The following SLC5A4 variants were observed in gnomAD, a reference collection of about 807,000 sequenced individuals.
SLC5A4 encodes solute carrier family 5 member 4.
Under a neutral mutation model 70.3 loss-of-function variants are expected in SLC5A4, and 55 were observed. The observed-to-expected ratio is 0.78, with a 90% confidence interval of 0.63 to 0.98. SLC5A4 has a LOEUF of 0.98. Among genes scored for constraint, SLC5A4 ranks in the 50% least tolerant of loss-of-function variants. The pLI is 0.00. For missense variants in SLC5A4, 735 were observed against 839.2 expected, an observed-to-expected ratio of 0.88 and a Z score of 1.53; for synonymous variants, 268 against 305.7, an observed-to-expected ratio of 0.88 and a Z score of 1.29.
At chr22:32,271,737 A>C in the SLC5A4 span, 1 of 586,868 alleles carries the variant, frequency 1.7e-6, no homozygotes, top group East Asian at 4.0e-5. Flanking sequence ...CTGTTCCACA[A>C]TGTCAACTGT....
At chr22:32,270,045 T>C in the SLC5A4 span, 1 of 483,974 alleles carries the variant, frequency 2.1e-6, no homozygotes, top group Middle Eastern at 3.9e-4. Flanking sequence ...GTGAGGCTGC[T>C]GACAAGGAAG....
chr22:32,305,154 T>G, the SLC5A4 span, among the ~76,000 whole-genome samples: 1 of 152,216 alleles, frequency 6.6e-6, no homozygotes, highest in Admixed American at 6.5e-5. Flanking sequence ...TTTGGGTTAT[T>G]ATGTACTTTT....
the SLC5A4 span, among the ~76,000 whole-genome samples, chr22:32,334,351 ACAC>A: frequency 2.0e-5 from 3 of 152,126 alleles, no homozygotes; most frequent in Non-Finnish European, 4.4e-5. Flanking sequence ...GTCAGCAGCA[ACAC>A]CACGTGTCTC....
the SLC5A4 span, among the ~76,000 whole-genome samples, chr22:32,344,513 C>T: frequency 3.3e-5 from 5 of 152,032 alleles, no homozygotes; most frequent in East Asian, 1.9e-4. Context: ...GTCTCTTATG[C>T]GATATTGACA....
chr22:32,344,447 G>T, the SLC5A4 span, among the ~76,000 whole-genome samples: 2 of 151,996 alleles, frequency 1.3e-5, no homozygotes, highest in African/African-American at 4.8e-5. Flanking sequence ...AAAGATGCAG[G>T]AAAGTATATG....
chr22:32,307,338 G>A, the SLC5A4 span, among the ~76,000 whole-genome samples: 2 of 152,186 alleles, frequency 1.3e-5, no homozygotes, highest in African/African-American at 2.4e-5. Context: ...ACTAGAAACT[G>A]GGGTGGTGGG....
At chr22:32,316,237 A>AC in the SLC5A4 span, among the ~76,000 whole-genome samples, 40 of 152,114 alleles carry the variant, frequency 2.6e-4, no homozygotes, top group Non-Finnish European at 5.0e-4. Context: ...TAAAATGGTA[A>AC]ATGTTATGTG....
chr22:32,330,204 C>CTGTG, the SLC5A4 span, among the ~76,000 whole-genome samples: 66,532 of 102,884 alleles, frequency 0.65, 22,573 homozygotes, highest in African/African-American at 0.7. Context: ...GTGTTGGGCC[C>CTGTG]TGTGTGTATT....
chr22:32,247,463 T>C lies in SLC5A4; in HGVS notation c.425A>G (p.Gln142Arg). 6.2e-7 allele frequency: 1 copy of C among 1,613,926 alleles called. No homozygotes were observed. The highest frequency in any genetic ancestry group is 8.5e-7 in the Non-Finnish European group (1 of 1,179,802). Residue 142 changes from glutamine (Q) to arginine (R), a missense_variant, in exon 5 of 15, where the codon CAG (glutamine) becomes CGG (arginine). Gln to Arg is a conservative substitution (Grantham distance 43, BLOSUM62 1). Coordinates refer to ENST00000266086, the MANE Select transcript of SLC5A4 (RefSeq NM_014227.3). The part of the protein sequence containing the change: ...LKKRFGGERL[Q>R]VYLSILSLFI... ...GAGGGAGAGGATGGAGAGGTAGACC[T>C]GGAGTCGCTCCCCACCAAACCGCTT... is the stretch of plus-strand genomic sequence containing the variant.
At chr22:32,324,267 G>A in the SLC5A4 span, among the ~76,000 whole-genome samples, 31 of 121,456 alleles carry the variant, frequency 2.6e-4, no homozygotes, top group Admixed American at 1.9e-3. Context: ...ACACATATAT[G>A]TATATATATA....
the SLC5A4 span, among the ~76,000 whole-genome samples, chr22:32,314,866 C>G: frequency 6.6e-6 from 1 of 152,134 alleles, no homozygotes; most frequent in Non-Finnish European, 1.5e-5. Context: ...CATCAGACCT[C>G]ATGAAATTTA....
rs77851318 is a variant in SLC5A4 at position 32,220,992 on chromosome 22, T to C, written c.1696A>G (p.Ser566Gly). Residue 566 changes from serine (S) to glycine (G), a missense_variant, in exon 14 of 15, where the codon AGT becomes GGT. Physicochemically the swap from Ser to Gly is moderately conservative, Grantham distance 56 (BLOSUM62 0). Transcript: ENST00000266086. The stretch of plus-strand genomic sequence containing the variant: ...TCTATATCGATTCGCTCCTCTGTAC[T>C]GTTCCGAAGAACCCAGCACAGGCGG... ...LYRLCWVLRNSTEERIDIDAE... is the reference protein window; with the variant it reads ...LYRLCWVLRNGTEERIDIDAE... The C allele has an allele frequency of 4.3e-6, 7 of 1,613,874 alleles. No homozygotes were observed. In the East Asian group the frequency reaches 1.6e-4, roughly 36 times the overall value.
At chr22:32,329,558 GGTGT>G in the SLC5A4 span, among the ~76,000 whole-genome samples, 7 of 147,240 alleles carry the variant, frequency 4.8e-5, no homozygotes, top group South Asian at 2.2e-4. Context: ...GAGGGGCTCT[GGTGT>G]GTGTGTTGCG....
chr22:32,295,368 G>A, the SLC5A4 span, among the ~76,000 whole-genome samples: 1 of 109,278 alleles, frequency 9.2e-6, no homozygotes, highest in Admixed American at 9.9e-5. Context: ...TAACTGGTGT[G>A]AGATGGTATC....
intron 14 of SLC5A4, among the ~76,000 whole-genome samples, chr22:32,220,337 T>G (rs1026246935): frequency 6.6e-6 from 1 of 152,172 alleles, no homozygotes; most frequent in Non-Finnish European, 1.5e-5. Context: ...ATTGTCCAGT[T>G]TAAGACAACA....
At chr22:32,328,695 C>G in the SLC5A4 span, among the ~76,000 whole-genome samples, 2 of 152,354 alleles carry the variant, frequency 1.3e-5, no homozygotes, top group African/African-American at 2.4e-5. Context: ...AAGCCACACC[C>G]TGACTTACAC....
At chr22:32,219,630 CAAAAAAAAAA>C in intron 14 of SLC5A4, among the ~76,000 whole-genome samples, 2 of 28,860 alleles carry the variant, frequency 6.9e-5, no homozygotes, top group Non-Finnish European at 1.1e-4. Context: ...TCCAACTTAG[CAAAAAAAAAA>C]AAAAAAAAAA....
the SLC5A4 span, among the ~76,000 whole-genome samples, chr22:32,264,360 G>A: frequency 6.6e-6 from 1 of 152,014 alleles, no homozygotes; most frequent in Admixed American, 6.6e-5. Flanking sequence ...GATCACTTGA[G>A]CCAGGGGTTC....
At chr22:32,318,863 C>T in the SLC5A4 span, among the ~76,000 whole-genome samples, 1 of 152,210 alleles carries the variant, frequency 6.6e-6, no homozygotes, top group Admixed American at 6.5e-5. Flanking sequence ...CTCTCCACTC[C>T]AACGGTAATG....
Sources: allele counts gnomAD v4.1 joint callset (sites outside exome capture counted in the v4.1 genomes callset), GRCh38; gene constraint gnomAD v4.1.1; transcripts MANE v1.5; gene names NCBI Gene and HGNC (gene_info 2026-07-23, HGNC 2026-07-21).